Variants in VWA3B observed in about 807,000 individuals in gnomAD.
VWA3B encodes von Willebrand factor A domain-containing protein 3B.
A neutral mutation model predicts 158.3 loss-of-function variants in VWA3B; 138 were observed. The observed-to-expected ratio is 0.87, with a 90% CI of 0.76 to 1.00. VWA3B has a LOEUF of 1.00. VWA3B is among the 50% of genes least tolerant of loss of function. The pLI, the probability that VWA3B is intolerant of heterozygous loss-of-function variation, is 0.00. For missense variants in VWA3B, 1,555 were observed against 1,565.1 expected, an observed-to-expected ratio of 0.99 and a Z score of 0.11; for synonymous variants, 596 against 587.3, an observed-to-expected ratio of 1.01 and a Z score of -0.21.
At chr2:98,140,107 G>A (rs1676651538) in intron 7 of VWA3B, among the ~76,000 whole-genome samples, 1 of 152,046 alleles carries the variant, frequency 6.6e-6, no homozygotes, top group African/African-American at 2.4e-5. Context: ...CCCACCAGAA[G>A]GAAGAAACTC....
chr2:98,259,113 A>G (rs1230208266), intron 21 of VWA3B, among the ~76,000 whole-genome samples: 1 of 151,784 alleles, frequency 6.6e-6, no homozygotes, highest in Non-Finnish European at 1.5e-5. Context: ...TCTGGCATAA[A>G]TCCTACTTAG....
chr2:98,192,807 G>C, intron 10 of VWA3B, 91 bp from the exon 11 acceptor site: 2 of 1,556,726 alleles, frequency 1.3e-6, no homozygotes, highest in Non-Finnish European at 1.8e-6. Flanking sequence ...GCGCAGCTCT[G>C]TCCTCTGCAG....
At chr2:98,193,705 C>T (rs1681789226) in intron 11 of VWA3B, among the ~76,000 whole-genome samples, 1 of 151,862 alleles carries the variant, frequency 6.6e-6, no homozygotes, top group Non-Finnish European at 1.5e-5. Context: ...ACGCCATTCT[C>T]CTGTCTCCCA....
intron 2 of VWA3B, among the ~76,000 whole-genome samples, chr2:98,112,396 G>A (rs924779250): frequency 6.6e-6 from 1 of 151,612 alleles, no homozygotes; most frequent in Non-Finnish European, 1.5e-5. Context: ...CTTCATTCTT[G>A]AAGAACACTT....
chr2:98,298,987 C>T (rs185229626), intron 24 of VWA3B, among the ~76,000 whole-genome samples: 7 of 152,314 alleles, frequency 4.6e-5, no homozygotes, highest in East Asian at 3.9e-4. Context: ...CCCTCTGAGC[C>T]GGGGTGGAAA....
At chr2:98,179,129 C>G in intron 8 of VWA3B, 1 of 450,848 alleles carries the variant, frequency 2.2e-6, no homozygotes, top group South Asian at 1.7e-5. Context: ...GCGGCCATCG[C>G]CCAGCATGGA....
At chr2:98,321,465 C>T in the VWA3B span, among the ~76,000 whole-genome samples, 1 of 152,190 alleles carries the variant, frequency 6.6e-6, no homozygotes, top group East Asian at 1.9e-4. Flanking sequence ...ATAAAAGCAA[C>T]CAGAAATGGG....
chr2:98,314,622 A>G (rs780455557), downstream of VWA3B, among the ~76,000 whole-genome samples: 35 of 152,256 alleles, frequency 2.3e-4, no homozygotes, highest in Non-Finnish European at 4.7e-4. Context: ...TTATAGGGAT[A>G]CAAAAATATC....
intron 7 of VWA3B, among the ~76,000 whole-genome samples, chr2:98,140,298 C>A (rs1446174468): frequency 6.6e-6 from 1 of 152,232 alleles, no homozygotes; most frequent in Non-Finnish European, 1.5e-5. Context: ...CCATCCCATC[C>A]AGGAATGCTC....
chr2:98,185,152 T>C (rs1170820359), intron 9 of VWA3B, among the ~76,000 whole-genome samples: 2 of 152,186 alleles, frequency 1.3e-5, no homozygotes, highest in Non-Finnish European at 2.9e-5. Flanking sequence ...CATCCTCAGT[T>C]CCAAACTGTC....
At chr2:98,185,892 T>C (rs553058773) in intron 9 of VWA3B, among the ~76,000 whole-genome samples, 1 of 152,334 alleles carries the variant, frequency 6.6e-6, no homozygotes, top group East Asian at 1.9e-4. Flanking sequence ...TGATCCCATA[T>C]GTACCTCTGG....
At chr2:98,323,577 T>C in the VWA3B span, among the ~76,000 whole-genome samples, 1 of 152,012 alleles carries the variant, frequency 6.6e-6, no homozygotes, top group Non-Finnish European at 1.5e-5. Context: ...GTTAATAGAT[T>C]CGAGAAGCCT....
At chr2:98,100,378 T>C (rs1682998111) in intron 2 of VWA3B, among the ~76,000 whole-genome samples, 1 of 152,226 alleles carries the variant, frequency 6.6e-6, no homozygotes, top group Non-Finnish European at 1.5e-5. Context: ...CCACCAAGGC[T>C]GGCACAGCAC....
intron 5 of VWA3B, among the ~76,000 whole-genome samples, chr2:98,124,017 T>C (rs1246137419): frequency 2.0e-5 from 3 of 152,218 alleles, no homozygotes; most frequent in African/African-American, 7.2e-5. Flanking sequence ...TTTAATCATA[T>C]TTCCTGGGAG....
chr2:98,162,115 G>A (rs769834738), intron 7 of VWA3B, among the ~76,000 whole-genome samples: 6 of 151,998 alleles, frequency 3.9e-5, no homozygotes, highest in Non-Finnish European at 8.8e-5. Flanking sequence ...ACCTCTCACC[G>A]TGCACCTCTG....
Position 98,312,243 on chromosome 2 carries a change from G to A in VWA3B, c.3779G>A (p.Ser1260Asn). ...HFPAAGRLGL[S>N]SHAIIATPPP... Reference sequence around the variant, plus strand: ...CCCGCGGCCGGGCGTCTAGGACTCAGCAGCCACGCCATCATTGCCACACCT... The same window carrying A: ...CCCGCGGCCGGGCGTCTAGGACTCAACAGCCACGCCATCATTGCCACACCT... The change falls in exon 28 of 28, where the codon AGC (serine) becomes AAC (asparagine). Residue 1260 changes from serine to asparagine, a missense_variant. Ser to Asn is a conservative substitution (Grantham distance 46). Coordinates refer to ENST00000477737, the MANE Select transcript of VWA3B (RefSeq NM_144992.5). The A allele has an allele frequency of 1.9e-6, 3 of 1,614,188 alleles. No homozygotes were observed. Among genetic ancestry groups the A allele is most frequent in the Non-Finnish European group, 2.5e-6 (3 of 1,180,046 alleles).
intron 19 of VWA3B, chr2:98,245,687 A>AGTATTCT (rs77233501): frequency 0.043 from 19,240 of 445,310 alleles, 568 homozygotes; most frequent in Non-Finnish European, 0.063. Flanking sequence ...AATGTTGCTT[A>AGTATTCT]GTGGTATTGA....
At chr2:98,236,151 A>G (rs1352057353) in intron 17 of VWA3B, among the ~76,000 whole-genome samples, 1 of 152,182 alleles carries the variant, frequency 6.6e-6, no homozygotes, top group Non-Finnish European at 1.5e-5. Flanking sequence ...AAGAATGAAT[A>G]TGTCTCATTG....
intron 8 of VWA3B, among the ~76,000 whole-genome samples, chr2:98,168,775 CTA>C (rs1679329201): frequency 1.3e-5 from 2 of 152,006 alleles, no homozygotes; most frequent in South Asian, 4.2e-4. Flanking sequence ...GCAATAGAAA[CTA>C]TCCAAAATGA....
Sources: allele counts gnomAD v4.1 joint callset (sites outside exome capture counted in the v4.1 genomes callset), GRCh38; gene constraint gnomAD v4.1.1; transcripts MANE v1.5; gene names NCBI Gene and HGNC (gene_info 2026-07-23, HGNC 2026-07-21).